ZFAND3: variants seen among roughly 807,000 people sequenced by gnomAD.
ZFAND3 encodes the protein AN1-type zinc finger protein 3.
A neutral mutation model predicts 29.6 loss-of-function variants in ZFAND3; 10 were observed. The observed-to-expected ratio is 0.34, with a 90% confidence interval of 0.21 to 0.57. ZFAND3 has a LOEUF of 0.57. ZFAND3 is among the 20% of genes least tolerant of loss of function. The pLI is 0.86. For synonymous variants in ZFAND3, 128 were observed against 112.6 expected, an observed-to-expected ratio of 1.14 and a Z score of -0.87; for missense variants, 230 against 304.5, an observed-to-expected ratio of 0.76 and a Z score of 1.82.
intron 5 of ZFAND3, among the ~76,000 whole-genome samples, chr6:38,133,722 C>A (rs1418012108): frequency 6.6e-6 from 1 of 151,656 alleles, no homozygotes; most frequent in African/African-American, 2.4e-5. Context: ...TGCACTCCAG[C>A]CTGGGTGACA....
intron 5 of ZFAND3, among the ~76,000 whole-genome samples, chr6:38,127,194 A>G (rs1018981859): frequency 2.0e-5 from 3 of 152,180 alleles, no homozygotes; most frequent in Non-Finnish European, 4.4e-5. Flanking sequence ...GCATTTCATC[A>G]CTAAGTATGA....
At chr6:37,835,299 C>T (rs1371382378) in intron 1 of ZFAND3, among the ~76,000 whole-genome samples, 2 of 152,010 alleles carry the variant, frequency 1.3e-5, no homozygotes, top group Non-Finnish European at 2.9e-5. Context: ...GCTGGGACCC[C>T]AGGTGTGTGC....
intron 4 of ZFAND3, among the ~76,000 whole-genome samples, chr6:38,090,247 G>A (rs938293432): frequency 6.6e-6 from 1 of 152,210 alleles, no homozygotes; most frequent in Non-Finnish European, 1.5e-5. Context: ...CAGGTCTGCA[G>A]TATCAGCATT....
At chr6:38,032,178 C>T (rs1763574873) in intron 2 of ZFAND3, among the ~76,000 whole-genome samples, 1 of 152,030 alleles carries the variant, frequency 6.6e-6, no homozygotes. Flanking sequence ...ATCTATGTTA[C>T]TATAAGAGTG....
chr6:38,051,529 G>C (rs774024045), intron 2 of ZFAND3, among the ~76,000 whole-genome samples: 10 of 152,158 alleles, frequency 6.6e-5, no homozygotes, highest in Non-Finnish European at 1.5e-5. Context: ...AGGACTAATG[G>C]CTTGAGGGGA....
intron 2 of ZFAND3, among the ~76,000 whole-genome samples, chr6:37,947,409 A>G (rs995783859): frequency 1.8e-4 from 27 of 152,194 alleles, no homozygotes; most frequent in African/African-American, 6.5e-4. Context: ...ATTTTGGACA[A>G]GCTACTTTAC....
chr6:38,120,433 C>T (rs143941843), intron 5 of ZFAND3, among the ~76,000 whole-genome samples: 3,053 of 140,158 alleles, frequency 0.022, 45 homozygotes, highest in Middle Eastern at 0.037. Flanking sequence ...TCAAGCAATT[C>T]TCCTGCCTCA....
chr6:37,885,262 T>G (rs781691942), intron 1 of ZFAND3, among the ~76,000 whole-genome samples: 1 of 152,182 alleles, frequency 6.6e-6, no homozygotes, highest in African/African-American at 2.4e-5. Flanking sequence ...TAAAGAGCAA[T>G]GAAAAGAATA....
At chr6:37,890,976 A>G (rs1765085843) in intron 1 of ZFAND3, among the ~76,000 whole-genome samples, 1 of 152,238 alleles carries the variant, frequency 6.6e-6, no homozygotes, top group African/African-American at 2.4e-5. Flanking sequence ...TGTCAGAAAC[A>G]ACTTTATCGA....
intron 4 of ZFAND3, among the ~76,000 whole-genome samples, chr6:38,091,408 G>A (rs1764865343): frequency 6.6e-6 from 1 of 150,422 alleles, no homozygotes. Flanking sequence ...CAAAATGCCT[G>A]AGCCAATACT....
At chr6:37,923,635 CTG>C (rs1246546586) in intron 1 of ZFAND3, among the ~76,000 whole-genome samples, 1 of 152,148 alleles carries the variant, frequency 6.6e-6, no homozygotes, top group Non-Finnish European at 1.5e-5. Context: ...CTATACATAA[CTG>C]TATGTGCTAG....
At chr6:38,040,326 T>G (rs192738601) in intron 2 of ZFAND3, among the ~76,000 whole-genome samples, 39 of 152,342 alleles carry the variant, frequency 2.6e-4, no homozygotes, top group Non-Finnish European at 1.6e-4. Flanking sequence ...AATGCTTAAC[T>G]ATACAGCTCA....
At chr6:37,900,972 GACA>G (rs1468148893) in intron 1 of ZFAND3, among the ~76,000 whole-genome samples, 1 of 152,138 alleles carries the variant, frequency 6.6e-6, no homozygotes. Context: ...GTGTGTGAAA[GACA>G]GGAGTGGGAA....
intron 1 of ZFAND3, among the ~76,000 whole-genome samples, chr6:37,875,373 T>C (rs560175010): frequency 6.6e-6 from 1 of 152,308 alleles, no homozygotes; most frequent in East Asian, 1.9e-4. Flanking sequence ...TTAGATGTTA[T>C]TCAAAAAATA....
intron 1 of ZFAND3, among the ~76,000 whole-genome samples, chr6:37,866,888 A>C (rs1764599785): frequency 1.3e-5 from 2 of 152,234 alleles, no homozygotes; most frequent in African/African-American, 4.8e-5. Context: ...TGTAAAGGGC[A>C]CTGTGTTGTC....
Position 37,864,633 on chromosome 6 carries a change from C to G in ZFAND3, c.71+44617C>G, listed in dbSNP as rs1334278555. On this transcript the variant is annotated intron_variant, in intron 1 of 5. Transcript: ENST00000287218. ...GGACATAGCCATTTTTGTATGAAGA[C>G]CAATTCAAGAAAAAAATATATGTAT... Among the ~76,000 whole-genome samples, 7 of 151,564 alleles carry G rather than the reference C, an allele frequency of 4.6e-5. No individual in the cohort carries two copies. In the South Asian group the frequency reaches 1.5e-3, roughly 32 times the overall value.
At chr6:37,833,668 A>G (rs548945439) in intron 1 of ZFAND3, among the ~76,000 whole-genome samples, 1 of 152,078 alleles carries the variant, frequency 6.6e-6, no homozygotes, top group South Asian at 2.1e-4. Context: ...CTACTAAAAA[A>G]TACAAAAATT....
intron 1 of ZFAND3, among the ~76,000 whole-genome samples, chr6:37,854,016 A>C (rs914512752): frequency 6.6e-6 from 1 of 152,000 alleles, no homozygotes; most frequent in Non-Finnish European, 1.5e-5. Flanking sequence ...CAATGGTGCT[A>C]TCTTGGCTCA....
chr6:37,849,491 C>G (rs1282730558), intron 1 of ZFAND3, among the ~76,000 whole-genome samples: 5 of 152,210 alleles, frequency 3.3e-5, no homozygotes, highest in African/African-American at 1.2e-4. Context: ...TCACTGCAAC[C>G]TCTGCCTCCT....
Sources: allele counts gnomAD v4.1 joint callset (sites outside exome capture counted in the v4.1 genomes callset), GRCh38; gene constraint gnomAD v4.1.1; transcripts MANE v1.5; gene names NCBI Gene and HGNC (gene_info 2026-07-23, HGNC 2026-07-21).